The following CADM2 variants were observed in gnomAD, a reference collection of about 807,000 sequenced individuals.
CADM2 encodes immunoglobulin superfamily member 4D.
CADM2 carries 12 observed loss-of-function variants against 49.8 expected under a neutral mutation model. That is an observed-to-expected ratio of 0.24 (90% CI 0.15 to 0.39). The LOEUF is 0.39. Among genes scored for constraint, CADM2 ranks in the 10% least tolerant of loss-of-function variants. The pLI, the probability that CADM2 is intolerant of heterozygous loss-of-function variation, is 1.00. For missense variants in CADM2, 378 were observed against 492.3 expected (o/e 0.77, Z 2.20); for synonymous variants, 214 against 175.4 (o/e 1.22, Z -1.74).
chr3:85,789,453 T>C (rs2071199562), intron 2 of CADM2, among the ~76,000 whole-genome samples: 1 of 152,172 alleles, frequency 6.6e-6, no homozygotes, highest in Admixed American at 6.5e-5. Context: ...CAGAAATCAT[T>C]TTAAAACCCT....
Position 85,408,895 on chromosome 3 carries a change from G to A in CADM2, c.62-317627G>A, listed in dbSNP as rs17022777. Among the ~76,000 whole-genome samples, 1,367 of 152,182 alleles carry A rather than the reference G, an allele frequency of 9.0e-3. 16 individuals carry two copies. Among genetic ancestry groups the A allele is most frequent in the African/African-American group, 0.03 (1,238 of 41,522 alleles). ...ACAAGGGCAAAATATTAAAGCCAATGTGTCACTTTCTCTTATAAACTAACA... is the reference window on the plus strand; with the variant it reads ...ACAAGGGCAAAATATTAAAGCCAATATGTCACTTTCTCTTATAAACTAACA... On this transcript the variant is annotated intron_variant, in intron 1 of 9. Coordinates refer to ENST00000383699, the MANE Select transcript of CADM2 (RefSeq NM_001167675.2).
intron 1 of CADM2, among the ~76,000 whole-genome samples, chr3:85,427,187 TA>T: frequency 1.1e-5 from 1 of 91,786 alleles, no homozygotes; most frequent in East Asian, 6.1e-4. Context: ...TATATATATA[TA>T]TATATATATA....
intron 1 of CADM2, among the ~76,000 whole-genome samples, chr3:85,644,410 C>T (rs2064824245): frequency 6.6e-6 from 1 of 152,122 alleles, no homozygotes; most frequent in South Asian, 2.1e-4. Context: ...AGGGCTTCAG[C>T]ATATGAATAG....
At chr3:85,812,625 A>T (rs2072949657) in intron 3 of CADM2, among the ~76,000 whole-genome samples, 1 of 152,054 alleles carries the variant, frequency 6.6e-6, no homozygotes, top group Non-Finnish European at 1.5e-5. Context: ...AGCTATACAC[A>T]TGCCATGGTG....
chr3:85,801,995 TA>T, intron 2 of CADM2, 51 bp from the exon 3 acceptor site: 2 of 1,354,104 alleles, frequency 1.5e-6, no homozygotes, highest in Non-Finnish European at 9.8e-7. Context: ...CTTAGGCAGT[TA>T]ATCATTTTAT....
chr3:85,664,816 G>A (rs747677422), intron 1 of CADM2, among the ~76,000 whole-genome samples: 20 of 151,544 alleles, frequency 1.3e-4, no homozygotes, highest in Non-Finnish European at 2.4e-4. Flanking sequence ...TTCCCTTTTC[G>A]TTTAGCACTT....
intron 8 of CADM2, among the ~76,000 whole-genome samples, chr3:86,056,372 ATT>A: frequency 6.6e-6 from 1 of 152,288 alleles, no homozygotes; most frequent in Non-Finnish European, 1.5e-5. Flanking sequence ...TAGAACCTAC[ATT>A]TTCCAAAAAT....
rs561990823 is a variant in CADM2 at position 85,554,888 on chromosome 3, T to A, written c.62-171634T>A. On this transcript the variant is annotated intron_variant, in intron 1 of 9. Transcript: ENST00000383699. ...CTTTATTTTTTTTATTTTTATTTTT[T>A]TTTTTTTTGTGCAGACTGTGTCTCA... is the stretch of plus-strand genomic sequence containing the variant. 5.3e-3 allele frequency among the ~76,000 whole-genome samples: 801 copies of A among 151,400 alleles called. 9 individuals are homozygous for A. The highest frequency in any genetic ancestry group is 0.017 in the African/African-American group (712 of 41,268).
intron 1 of CADM2, among the ~76,000 whole-genome samples, chr3:85,280,450 A>C (rs2043472649): frequency 6.6e-6 from 1 of 151,550 alleles, no homozygotes; most frequent in African/African-American, 2.4e-5. Context: ...TGTACATTCA[A>C]GTTGTTTTTC....
intron 5 of CADM2, 67 bp from the exon 6 acceptor site, chr3:85,912,306 C>T (rs1472982315): frequency 8.8e-5 from 105 of 1,197,718 alleles, no homozygotes; most frequent in Non-Finnish European, 1.2e-4. Context: ...TTTCCATTAT[C>T]TTGAGTAAAT....
intron 1 of CADM2, among the ~76,000 whole-genome samples, chr3:85,179,753 CA>C (rs1248541978): frequency 1.3e-5 from 2 of 152,068 alleles, no homozygotes; most frequent in Non-Finnish European, 2.9e-5. Context: ...ATGTATAACA[CA>C]TCTGAAACAC....
intron 1 of CADM2, among the ~76,000 whole-genome samples, chr3:85,372,547 C>T (rs2033327335): frequency 6.6e-6 from 1 of 151,898 alleles, no homozygotes; most frequent in South Asian, 2.1e-4. Context: ...ACAATTTTAA[C>T]TAGGTAGAGG....
At chr3:85,879,200 A>C (rs1712370745) in intron 3 of CADM2, among the ~76,000 whole-genome samples, 1 of 151,972 alleles carries the variant, frequency 6.6e-6, no homozygotes. Flanking sequence ...CTGGCAGCTA[A>C]ACAAGGCATC....
chr3:85,418,736 T>C, intron 1 of CADM2, among the ~76,000 whole-genome samples: 1 of 152,148 alleles, frequency 6.6e-6, no homozygotes, highest in Non-Finnish European at 1.5e-5. Context: ...AACTCAGATT[T>C]TACATGTATA....
At chr3:85,135,191 AATC>A (rs536542642) in intron 1 of CADM2, among the ~76,000 whole-genome samples, 199 of 152,132 alleles carry the variant, frequency 1.3e-3, no homozygotes, top group African/African-American at 4.6e-3. Context: ...TGAAAATTAA[AATC>A]ATTTTACAAA....
intron 1 of CADM2, among the ~76,000 whole-genome samples, chr3:85,395,296 C>CAAAAAA (rs58315220): frequency 1.5e-4 from 11 of 75,548 alleles, no homozygotes; most frequent in Non-Finnish European, 2.5e-4. Flanking sequence ...AGACTCCATA[C>CAAAAAA]AAAAAAAAAA....
At chr3:85,712,817 C>T (rs913292905) in intron 1 of CADM2, among the ~76,000 whole-genome samples, 6 of 151,672 alleles carry the variant, frequency 4.0e-5, no homozygotes, top group Non-Finnish European at 8.8e-5. Context: ...CTTTTTATTT[C>T]TTTATATATA....
intron 8 of CADM2, chr3:85,994,863 A>G (rs1729175678): frequency 6.6e-6 from 1 of 152,160 alleles, no homozygotes. Flanking sequence ...TATTGATCAC[A>G]TATCACTGTA....
chr3:85,638,666 G>T (rs773129010), intron 1 of CADM2, among the ~76,000 whole-genome samples: 150 of 152,082 alleles, frequency 9.9e-4, no homozygotes, highest in Non-Finnish European at 1.7e-3. Flanking sequence ...TTAAAATGCT[G>T]TTGGATGACT....
Sources: gnomAD v4.1 joint callset for allele counts (sites outside exome capture counted in the v4.1 genomes callset) on GRCh38, gnomAD v4.1.1 for gene constraint, MANE v1.5 for transcripts, NCBI Gene and HGNC (gene_info 2026-07-23, HGNC 2026-07-21) for gene names.